Variants in UBE2H observed in about 807,000 individuals in gnomAD.
The protein encoded by UBE2H is ubiquitin conjugating enzyme E2 H, also known as ubiquitin-conjugating enzyme E2 H.
UBE2H carries 3 observed loss-of-function variants against 29.0 expected under a neutral mutation model. That is an observed-to-expected ratio of 0.10 (90% CI 0.05 to 0.27). UBE2H has a LOEUF of 0.27. Among genes scored for constraint, UBE2H ranks in the 10% least tolerant of loss-of-function variants. The pLI is 1.00. For missense variants in UBE2H, 68 were observed against 228.2 expected, an observed-to-expected ratio of 0.30 and a Z score of 4.52; for synonymous variants, 69 against 82.9, an observed-to-expected ratio of 0.83 and a Z score of 0.91.
chr7:129,844,932 C>G (rs1805486785), intron 5 of UBE2H, among the ~76,000 whole-genome samples: 1 of 152,200 alleles, frequency 6.6e-6, no homozygotes, highest in African/African-American at 2.4e-5. Flanking sequence ...AGTTTCACAC[C>G]AGCCTGGCCA....
Position 129,952,707 on chromosome 7 carries a change from C to T in UBE2H, c.-152G>A, listed in dbSNP as rs914018736. Reference sequence around the variant, plus strand: ...CCCGTCAGCCGCCGCCGCCGCCCCCCGCACGGGGGAACACCGGGCACTGTC... The same window carrying T: ...CCCGTCAGCCGCCGCCGCCGCCCCCTGCACGGGGGAACACCGGGCACTGTC... On this transcript the variant is annotated 5_prime_UTR_variant, in exon 1 of 7. Coordinates refer to ENST00000355621, the MANE Select transcript of UBE2H (RefSeq NM_003344.4). 4.9e-6 allele frequency: 4 copies of T among 823,488 alleles called. No individual in the cohort carries two copies. The highest frequency in any genetic ancestry group is 4.2e-5 in the Admixed American group (1 of 24,060). 51.0% of individuals were successfully genotyped at this position (823,488 alleles called of 1,614,324 possible).
At chr7:129,904,762 G>A (rs1161876610) in intron 1 of UBE2H, among the ~76,000 whole-genome samples, 2 of 152,162 alleles carry the variant, frequency 1.3e-5, no homozygotes, top group Non-Finnish European at 2.9e-5. Flanking sequence ...GAGAGCATCT[G>A]CCCTCTGAAA....
At chr7:129,946,128 C>T (rs1312587231) in intron 1 of UBE2H, among the ~76,000 whole-genome samples, 1 of 151,434 alleles carries the variant, frequency 6.6e-6, no homozygotes, top group Non-Finnish European at 1.5e-5. Flanking sequence ...TCTCTGCTCA[C>T]TGCAAGCTCC....
chr7:129,914,547 A>G (rs1807005833), intron 1 of UBE2H, among the ~76,000 whole-genome samples: 1 of 152,196 alleles, frequency 6.6e-6, no homozygotes, highest in Admixed American at 6.5e-5. Context: ...TGTAAATCAG[A>G]TATTACAGTA....
intron 1 of UBE2H, among the ~76,000 whole-genome samples, chr7:129,915,537 AAAAT>A (rs1180047704): frequency 2.0e-5 from 3 of 152,196 alleles, no homozygotes; most frequent in African/African-American, 7.2e-5. Flanking sequence ...CTGTCTCAAA[AAAAT>A]AAATAAATAC....
chr7:129,890,128 G>A (rs1806444886), intron 1 of UBE2H, among the ~76,000 whole-genome samples: 1 of 152,008 alleles, frequency 6.6e-6, no homozygotes, highest in African/African-American at 2.4e-5. Flanking sequence ...CATAGACCCT[G>A]TAGCTTAAAA....
In UBE2H at chr7:129,927,011, T is replaced by A. The variant is rs578177953; in HGVS notation, c.53+25492A>T. Among the ~76,000 whole-genome samples the A allele has an allele frequency of 9.1e-4, 139 of 152,346 alleles. 1 individual carries two copies. Among genetic ancestry groups the A allele is most frequent in the African/African-American group, 3.1e-3 (129 of 41,590 alleles). On this transcript the variant is annotated intron_variant, in intron 1 of 6. Coordinates refer to ENST00000355621, the MANE Select transcript of UBE2H (RefSeq NM_003344.4). ...CTTGCTCATCTATCTCCTGTCTCTA[T>A]GACATTCTGCTTCCACCAGGAAGCC...
intron 1 of UBE2H, among the ~76,000 whole-genome samples, chr7:129,902,396 G>C (rs913286986): frequency 1.3e-5 from 2 of 152,210 alleles, no homozygotes; most frequent in Non-Finnish European, 2.9e-5. Context: ...AGCTACTTGG[G>C]AGGCTGAGGC....
chr7:129,872,751 G>T (rs1806065124), intron 3 of UBE2H, among the ~76,000 whole-genome samples: 2 of 142,314 alleles, frequency 1.4e-5, no homozygotes, highest in South Asian at 4.6e-4. Context: ...GCTGAGGCAG[G>T]AGAATTGCTT....
intron 1 of UBE2H, among the ~76,000 whole-genome samples, chr7:129,942,780 C>T (rs552124418): frequency 3.4e-4 from 51 of 151,988 alleles, no homozygotes; most frequent in African/African-American, 1.2e-3. Flanking sequence ...AGATATAGAG[C>T]CTTACTAGCA....
At chr7:129,854,062 T>TTTTTTTTTTTTTTTTTTTTTA in intron 5 of UBE2H, among the ~76,000 whole-genome samples, 1 of 81,474 alleles carries the variant, frequency 1.2e-5, no homozygotes, top group Non-Finnish European at 2.4e-5. Flanking sequence ...TAGTGTTAGT[T>TTTTTTTTTTTTTTTTTTTTTA]TTTTTTTTTT....
At chr7:129,902,596 T>A (rs568035477) in intron 1 of UBE2H, among the ~76,000 whole-genome samples, 1 of 152,244 alleles carries the variant, frequency 6.6e-6, no homozygotes, top group East Asian at 1.9e-4. Context: ...TTGAGGCCCA[T>A]CTCCCCCATT....
intron 3 of UBE2H, among the ~76,000 whole-genome samples, chr7:129,874,716 A>T (rs1188336725): frequency 6.6e-6 from 1 of 152,282 alleles, no homozygotes; most frequent in East Asian, 1.9e-4. Flanking sequence ...TTTTCAGTTC[A>T]TATGAAGAGA....
intron 1 of UBE2H, among the ~76,000 whole-genome samples, chr7:129,929,717 T>C (rs1388887944): frequency 1.3e-5 from 2 of 152,282 alleles, no homozygotes; most frequent in East Asian, 3.9e-4. Flanking sequence ...TCAAATATTA[T>C]ATTAACACAT....
chr7:129,932,142 A>T (rs1375628054), intron 1 of UBE2H, among the ~76,000 whole-genome samples: 24 of 124,000 alleles, frequency 1.9e-4, no homozygotes, highest in African/African-American at 7.2e-4. Context: ...TTTTTTTTGG[A>T]GATGGAGTCT....
intron 1 of UBE2H, among the ~76,000 whole-genome samples, chr7:129,939,046 G>A (rs930819841): frequency 3.3e-5 from 5 of 152,072 alleles, no homozygotes; most frequent in Admixed American, 6.6e-5. Context: ...TGATCTATCC[G>A]CCTTGGCGTC....
intron 1 of UBE2H, among the ~76,000 whole-genome samples, chr7:129,907,583 T>C (rs1471799330): frequency 2.6e-5 from 4 of 152,196 alleles, no homozygotes; most frequent in African/African-American, 9.7e-5. Context: ...TTGTACTTTA[T>C]CCTATGAACA....
chr7:129,930,998 C>T (rs555109142), intron 1 of UBE2H, among the ~76,000 whole-genome samples: 23 of 149,852 alleles, frequency 1.5e-4, no homozygotes, highest in African/African-American at 5.1e-4. Flanking sequence ...GCAGGTGGAT[C>T]ACCTGAGGTC....
At chr7:129,942,369 C>T (rs1360982652) in intron 1 of UBE2H, among the ~76,000 whole-genome samples, 1 of 152,096 alleles carries the variant, frequency 6.6e-6, no homozygotes, top group Non-Finnish European at 1.5e-5. Flanking sequence ...TGCCTGTAAT[C>T]CCAGCTACTC....
Sources: gnomAD v4.1 joint callset for allele counts (sites outside exome capture counted in the v4.1 genomes callset) on GRCh38, gnomAD v4.1.1 for gene constraint, MANE v1.5 for transcripts, NCBI Gene and HGNC (gene_info 2026-07-23, HGNC 2026-07-21) for gene names.